Variants in KLHL4 observed in about 807,000 individuals in gnomAD.
KLHL4 encodes kelch like family member 4.
In KLHL4, 17 loss-of-function variants were observed where a neutral mutation model predicts 45.8. The ratio of observed to expected loss-of-function variants is 0.37; its 90% CI spans 0.25 to 0.56. The LOEUF (loss-of-function observed/expected upper bound fraction) is 0.56. KLHL4 is among the 20% of genes least tolerant of loss of function. The pLI is 0.79. For synonymous variants in KLHL4, 224 were observed against 189.9 expected (o/e 1.18, Z -1.47); for missense variants, 544 against 544.9 (o/e 1.00, Z 0.02).
intron 4 of KLHL4, among the ~76,000 whole-genome samples, chrX:87,618,560 G>A (rs1030099681): frequency 9.0e-6 from 1 of 111,584 alleles, no homozygotes; most frequent in African/African-American, 3.3e-5. Context: ...AAAATTAGTG[G>A]CGCAATCTCA....
intron 6 of KLHL4, among the ~76,000 whole-genome samples, chrX:87,627,769 T>C (rs193105529): frequency 5.7e-4 from 64 of 112,102 alleles, no homozygotes; most frequent in African/African-American, 1.9e-3. Flanking sequence ...TTATCTTTCG[T>C]TTCTGACTCT....
intron 1 of KLHL4, among the ~76,000 whole-genome samples, chrX:87,532,147 C>T (rs979116514): frequency 5.5e-5 from 6 of 109,539 alleles, no homozygotes; most frequent in African/African-American, 2.0e-4. Context: ...CAGCTTTCTA[C>T]ATATGGCTAG....
chrX:87,609,082 C>A (rs1027165188), intron 1 of KLHL4, among the ~76,000 whole-genome samples: 4 of 111,576 alleles, frequency 3.6e-5, no homozygotes, highest in African/African-American at 9.8e-5. Context: ...TCCCAAAGGA[C>A]ATGAACTTAT....
intron 9 of KLHL4, among the ~76,000 whole-genome samples, chrX:87,651,570 C>T (rs779527240): frequency 5.3e-5 from 6 of 112,338 alleles, no homozygotes; most frequent in Non-Finnish European, 1.1e-4. Flanking sequence ...CTACAGGCCC[C>T]GTGCAAGTCC....
intron 9 of KLHL4, among the ~76,000 whole-genome samples, chrX:87,651,781 C>A (rs1403493595): frequency 2.1e-4 from 23 of 111,864 alleles, no homozygotes; most frequent in Admixed American, 1.9e-3. Context: ...TCCAGGTGCA[C>A]AATGCAAGCT....
At chrX:87,660,731 G>T (rs1392965732) in intron 9 of KLHL4, among the ~76,000 whole-genome samples, 1 of 112,238 alleles carries the variant, frequency 8.9e-6, no homozygotes, top group Non-Finnish European at 1.9e-5. Flanking sequence ...GTAATCCCAG[G>T]TACTGGGGAG....
chrX:87,532,878 C>T (rs1464735769), intron 1 of KLHL4, among the ~76,000 whole-genome samples: 2 of 110,720 alleles, frequency 1.8e-5, no homozygotes, highest in Non-Finnish European at 1.9e-5. Flanking sequence ...ACAACCCCAT[C>T]AAAAAGTGGG....
Position 87,666,115 on chromosome X carries a change from T to A in KLHL4, c.2098-360T>A, listed in dbSNP as rs376344646. 5.9e-4 allele frequency among the ~76,000 whole-genome samples: 66 copies of A among 111,898 alleles called. 1 individual carries two copies. Among genetic ancestry groups the A allele is most frequent in the African/African-American group, 2.0e-3 (61 of 30,911 alleles). On this transcript the variant is annotated intron_variant, in intron 10 of 10. Coordinates refer to ENST00000373119, the MANE Select transcript of KLHL4 (RefSeq NM_019117.5). Reference sequence around the variant, plus strand: ...GATCTTGAAAAGAGTGAAAGAGAACTAACAGATGGTGGGATTATAACTACT... The same window carrying A: ...GATCTTGAAAAGAGTGAAAGAGAACAAACAGATGGTGGGATTATAACTACT...
chrX:87,544,587 G>A (rs776865778), intron 1 of KLHL4, among the ~76,000 whole-genome samples: 1 of 111,729 alleles, frequency 9.0e-6, no homozygotes, highest in African/African-American at 3.2e-5. Flanking sequence ...TCCACACCAA[G>A]CATTCAGTGG....
At chrX:87,591,058 T>A (rs1921646833) in intron 1 of KLHL4, among the ~76,000 whole-genome samples, 1 of 111,802 alleles carries the variant, frequency 8.9e-6, no homozygotes, top group Non-Finnish European at 1.9e-5. Flanking sequence ...TTTTAAGGAA[T>A]CCCTATACTG....
chrX:87,611,696 T>TAC, intron 1 of KLHL4, among the ~76,000 whole-genome samples: 2 of 110,304 alleles, frequency 1.8e-5, no homozygotes, highest in Admixed American at 9.8e-5. Flanking sequence ...TACTATACTA[T>TAC]TTTTACCACT....
chrX:87,655,520 G>C (rs918992360), intron 9 of KLHL4, among the ~76,000 whole-genome samples: 4 of 111,088 alleles, frequency 3.6e-5, no homozygotes, highest in African/African-American at 1.3e-4. Flanking sequence ...GCTTGCTTTT[G>C]TTTTCCATTT....
At chrX:87,550,081 T>G (rs1178492542) in intron 1 of KLHL4, among the ~76,000 whole-genome samples, 1 of 111,041 alleles carries the variant, frequency 9.0e-6, no homozygotes, top group Non-Finnish European at 1.9e-5. Flanking sequence ...ATATTACAAC[T>G]TATACTGCAG....
At chrX:87,532,806 G>A (rs932386224) in intron 1 of KLHL4, among the ~76,000 whole-genome samples, 1 of 110,524 alleles carries the variant, frequency 9.0e-6, no homozygotes, top group African/African-American at 3.3e-5. Flanking sequence ...CTTTGCTGAA[G>A]TTGCTTATCA....
intron 1 of KLHL4, among the ~76,000 whole-genome samples, chrX:87,547,362 C>T (rs1385265131): frequency 9.0e-6 from 1 of 111,241 alleles, no homozygotes; most frequent in African/African-American, 3.3e-5. Context: ...TAAGAGGTGC[C>T]TGCTTCCCCT....
At chrX:87,653,787 T>C (rs748974902) in intron 9 of KLHL4, among the ~76,000 whole-genome samples, 2 of 112,077 alleles carry the variant, frequency 1.8e-5, no homozygotes, top group Non-Finnish European at 3.8e-5. Flanking sequence ...CACCATGGGA[T>C]ACTATGCAGC....
intron 3 of KLHL4, among the ~76,000 whole-genome samples, chrX:87,615,403 T>C (rs951273760): frequency 1.8e-5 from 2 of 111,377 alleles, no homozygotes; most frequent in Non-Finnish European, 3.8e-5. Context: ...CAACAATTCA[T>C]TTAAAAATAT....
intron 1 of KLHL4, among the ~76,000 whole-genome samples, chrX:87,602,245 TAA>T (rs1308175936): frequency 2.0e-4 from 22 of 111,205 alleles, no homozygotes; most frequent in Non-Finnish European, 3.8e-4. Flanking sequence ...TACAGTAAGC[TAA>T]GTCTAATTTA....
chrX:87,571,164 T>C (rs1932327947), intron 1 of KLHL4, among the ~76,000 whole-genome samples: 1 of 111,071 alleles, frequency 9.0e-6, no homozygotes, highest in African/African-American at 3.3e-5. Context: ...TTCTGTGAGC[T>C]TCAAGGGTTA....
Sources: gnomAD v4.1 joint callset for allele counts (sites outside exome capture counted in the v4.1 genomes callset) on GRCh38, gnomAD v4.1.1 for gene constraint, MANE v1.5 for transcripts, NCBI Gene and HGNC (gene_info 2026-07-23, HGNC 2026-07-21) for gene names.